MAPK10: variants seen among roughly 807,000 people sequenced by gnomAD.
MAPK10 encodes JNK3 alpha protein kinase.
Under a neutral mutation model 59.3 loss-of-function variants are expected in MAPK10, and 25 were observed. The observed-to-expected ratio is 0.42, with a 90% CI of 0.31 to 0.59. The LOEUF is 0.59. Among genes scored for constraint, MAPK10 ranks in the 20% least tolerant of loss-of-function variants. The probability of loss-of-function intolerance (pLI) is 0.15; values close to 1 mark genes in which losing one functional copy is unlikely to be tolerated. For missense variants in MAPK10, 351 were observed against 568.9 expected, an observed-to-expected ratio of 0.62 and a Z score of 3.90; for synonymous variants, 190 against 200.5, an observed-to-expected ratio of 0.95 and a Z score of 0.44.
chr4:86,293,795 A>G (rs1416984138), intron 2 of MAPK10, among the ~76,000 whole-genome samples: 1 of 152,098 alleles, frequency 6.6e-6, no homozygotes, highest in Non-Finnish European at 1.5e-5. Context: ...CCAGATCTCA[A>G]AACAACTCAC....
At chr4:86,549,790 A>G (rs914455443) in intron 1 of MAPK10, among the ~76,000 whole-genome samples, 1 of 152,152 alleles carries the variant, frequency 6.6e-6, no homozygotes, top group African/African-American at 2.4e-5. Context: ...GGTTATAGTG[A>G]GCTATGATTG....
intron 11 of MAPK10, among the ~76,000 whole-genome samples, chr4:86,036,145 CAT>C (rs1336667716): frequency 6.6e-6 from 1 of 152,186 alleles, no homozygotes; most frequent in Non-Finnish European, 1.5e-5. Flanking sequence ...AAATGAAGCA[CAT>C]GAGGATTTTG....
intron 2 of MAPK10, among the ~76,000 whole-genome samples, chr4:86,195,200 G>A (rs2081002479): frequency 6.6e-6 from 1 of 152,162 alleles, no homozygotes; most frequent in Admixed American, 6.5e-5. Flanking sequence ...AGCAACATCA[G>A]AGAAACCCAA....
chr4:86,285,917 A>G (rs1229794956), intron 2 of MAPK10, among the ~76,000 whole-genome samples: 2 of 152,178 alleles, frequency 1.3e-5, no homozygotes, highest in African/African-American at 4.8e-5. Context: ...TCCGAGCTCA[A>G]ACAGAAACAA....
intron 2 of MAPK10, among the ~76,000 whole-genome samples, chr4:86,309,202 C>T (rs2095624532): frequency 6.6e-6 from 1 of 152,106 alleles, no homozygotes; most frequent in Non-Finnish European, 1.5e-5. Flanking sequence ...TTTAAAAGTT[C>T]TACTGCATAA....
chr4:86,261,025 G>A (rs2093961991), intron 2 of MAPK10, among the ~76,000 whole-genome samples: 1 of 152,122 alleles, frequency 6.6e-6, no homozygotes, highest in Admixed American at 6.5e-5. Context: ...GAGGACAAAG[G>A]AGAAGCAATT....
At chr4:86,589,983 T>TA (rs74874164) in intron 1 of MAPK10, among the ~76,000 whole-genome samples, 25,669 of 129,568 alleles carry the variant, frequency 0.2, 2,603 homozygotes, top group East Asian at 0.25. Context: ...GACTCCATCT[T>TA]AAAAAAAAAA....
intron 1 of MAPK10, among the ~76,000 whole-genome samples, chr4:86,488,091 C>T (rs1317310275): frequency 6.6e-6 from 1 of 152,084 alleles, no homozygotes; most frequent in Admixed American, 6.5e-5. Context: ...CTCCACTTGC[C>T]GTCTTAATTC....
chr4:86,509,189 C>A (rs1756020912), intron 1 of MAPK10, among the ~76,000 whole-genome samples: 1 of 152,026 alleles, frequency 6.6e-6, no homozygotes, highest in Non-Finnish European at 1.5e-5. Context: ...AAATTAATGG[C>A]TTTACAAATT....
chr4:86,220,262 A>C (rs2089153908), intron 2 of MAPK10, among the ~76,000 whole-genome samples: 1 of 152,328 alleles, frequency 6.6e-6, no homozygotes, highest in Admixed American at 6.5e-5. Context: ...TAAAGCATTA[A>C]ATGACTGGCC....
At chr4:86,561,755 A>G (rs766117381) in intron 1 of MAPK10, among the ~76,000 whole-genome samples, 41 of 152,212 alleles carry the variant, frequency 2.7e-4, no homozygotes, top group Non-Finnish European at 1.0e-4. Flanking sequence ...ACACTTTTCT[A>G]TGTCAAGCAA....
chr4:86,034,311 AAC>A (rs2039721449), intron 11 of MAPK10, among the ~76,000 whole-genome samples: 1 of 152,220 alleles, frequency 6.6e-6, no homozygotes, highest in Non-Finnish European at 1.5e-5. Flanking sequence ...CAGAAATTCA[AAC>A]ACAAATTTAT....
chr4:86,525,174 G>C (rs762079693), intron 1 of MAPK10, among the ~76,000 whole-genome samples: 9 of 152,088 alleles, frequency 5.9e-5, no homozygotes, highest in Non-Finnish European at 1.0e-4. Context: ...GTGCCCTCCT[G>C]TTGTCCCAAC....
intron 1 of MAPK10, among the ~76,000 whole-genome samples, chr4:86,407,073 GA>G: frequency 6.6e-6 from 1 of 152,062 alleles, no homozygotes; most frequent in Non-Finnish European, 1.5e-5. Context: ...CTCTAGCTCA[GA>G]ACACACATTC....
chr4:86,362,953 A>G (rs1266754889), upstream of MAPK10, among the ~76,000 whole-genome samples: 2 of 152,168 alleles, frequency 1.3e-5, no homozygotes, highest in South Asian at 2.1e-4. Flanking sequence ...TTCACCCAAG[A>G]CAATGGAAAC....
intron 1 of MAPK10, among the ~76,000 whole-genome samples, chr4:86,476,006 T>C (rs1234473536): frequency 6.6e-6 from 1 of 152,094 alleles, no homozygotes; most frequent in African/African-American, 2.4e-5. Context: ...GATTTTTCCA[T>C]CCTACAAGAT....
At chr4:86,262,877 AC>A (rs2094062514) in intron 2 of MAPK10, among the ~76,000 whole-genome samples, 2 of 151,858 alleles carry the variant, frequency 1.3e-5, no homozygotes, top group Admixed American at 1.3e-4. Context: ...TCTCCAGTCT[AC>A]TCTGTGTCCA....
intron 2 of MAPK10, among the ~76,000 whole-genome samples, chr4:86,224,069 T>C (rs751538368): frequency 1.5e-4 from 20 of 133,242 alleles, no homozygotes; most frequent in Middle Eastern, 3.6e-3. Flanking sequence ...CCGTTCTTTA[T>C]GATCCGAAAT....
At chr4:86,535,663 TA>T (rs1758188224) in intron 1 of MAPK10, among the ~76,000 whole-genome samples, 1 of 152,158 alleles carries the variant, frequency 6.6e-6, no homozygotes, top group Non-Finnish European at 1.5e-5. Context: ...TTTCTTCCTT[TA>T]TATATAGACT....
Sources: gnomAD v4.1 joint callset for allele counts (sites outside exome capture counted in the v4.1 genomes callset) on GRCh38, gnomAD v4.1.1 for gene constraint, MANE v1.5 for transcripts, NCBI Gene and HGNC (gene_info 2026-07-23, HGNC 2026-07-21) for gene names.